CDK14: variants seen among roughly 807,000 people sequenced by gnomAD.
CDK14 encodes the protein cyclin-dependent kinase 14.
A neutral mutation model predicts 60.7 loss-of-function variants in CDK14; 34 were observed. That is an observed-to-expected ratio of 0.56 (90% CI 0.43 to 0.75). The LOEUF is 0.75. CDK14 is among the 30% of genes least tolerant of loss of function. The pLI, the probability that CDK14 is intolerant of heterozygous loss-of-function variation, is 0.00. For synonymous variants in CDK14, 197 were observed against 203.7 expected, an observed-to-expected ratio of 0.97 and a Z score of 0.28; for missense variants, 482 against 564.1, an observed-to-expected ratio of 0.85 and a Z score of 1.47.
At chr7:90,901,337 A>C (rs562502938) in intron 7 of CDK14, among the ~76,000 whole-genome samples, 9 of 152,268 alleles carry the variant, frequency 5.9e-5, no homozygotes, top group African/African-American at 2.2e-4. Context: ...TGACACTTAC[A>C]GTGAGCCTGG....
At chr7:91,158,747 G>T (rs1354237878) in intron 14 of CDK14, among the ~76,000 whole-genome samples, 1 of 152,204 alleles carries the variant, frequency 6.6e-6, no homozygotes, top group Non-Finnish European at 1.5e-5. Flanking sequence ...TACCCCGTCA[G>T]AGGTAAGGAA....
chr7:90,797,255 A>C (rs1031781924), intron 5 of CDK14, among the ~76,000 whole-genome samples: 1 of 151,740 alleles, frequency 6.6e-6, no homozygotes, highest in Non-Finnish European at 1.5e-5. Context: ...CAATGAGGAA[A>C]GATCTGTGCC....
chr7:90,880,996 A>G (rs955269011), intron 6 of CDK14, among the ~76,000 whole-genome samples: 3 of 152,196 alleles, frequency 2.0e-5, no homozygotes, highest in African/African-American at 7.2e-5. Flanking sequence ...GAATCAATGA[A>G]AAAATGCTAA....
At chr7:91,195,406 A>G (rs1227381829) in intron 14 of CDK14, among the ~76,000 whole-genome samples, 1 of 152,214 alleles carries the variant, frequency 6.6e-6, no homozygotes, top group East Asian at 1.9e-4. Flanking sequence ...TTTTACATGC[A>G]TAGACAAAAA....
At chr7:90,852,778 G>A (rs921828189) in intron 5 of CDK14, among the ~76,000 whole-genome samples, 2 of 152,150 alleles carry the variant, frequency 1.3e-5, no homozygotes, top group South Asian at 2.1e-4. Context: ...CAGGGCTGAG[G>A]TGAACTTAGG....
At chr7:90,732,155 T>G (rs1380897945) in intron 3 of CDK14, among the ~76,000 whole-genome samples, 1 of 152,172 alleles carries the variant, frequency 6.6e-6, no homozygotes, top group African/African-American at 2.4e-5. Flanking sequence ...TTGATTGGCT[T>G]ATGTTCAACC....
At chr7:90,812,592 A>C (rs988584762) in intron 5 of CDK14, among the ~76,000 whole-genome samples, 1 of 152,184 alleles carries the variant, frequency 6.6e-6, no homozygotes, top group African/African-American at 2.4e-5. Context: ...CATTGTGCAC[A>C]TGTACCCCAA....
At chr7:90,890,109 A>C (rs1445781844) in intron 6 of CDK14, among the ~76,000 whole-genome samples, 2 of 152,272 alleles carry the variant, frequency 1.3e-5, no homozygotes, top group Non-Finnish European at 2.9e-5. Flanking sequence ...ATGATGGCCC[A>C]AGCCTGTCAT....
chr7:91,136,190 G>A (rs1304444849), intron 14 of CDK14, among the ~76,000 whole-genome samples: 3 of 152,124 alleles, frequency 2.0e-5, no homozygotes, highest in African/African-American at 7.2e-5. Flanking sequence ...GGCAATGTGA[G>A]TTTCTGACTT....
intron 10 of CDK14, among the ~76,000 whole-genome samples, chr7:90,992,510 G>A (rs1795568758): frequency 6.6e-6 from 1 of 152,178 alleles, no homozygotes; most frequent in East Asian, 1.9e-4. Flanking sequence ...ATTCCTGTAA[G>A]GAAAGATAGA....
intron 2 of CDK14, among the ~76,000 whole-genome samples, chr7:90,661,187 A>T (rs900305341): frequency 1.3e-5 from 2 of 152,250 alleles, no homozygotes; most frequent in African/African-American, 4.8e-5. Context: ...TGAGAGTCTG[A>T]AATTTGCCTA....
intron 4 of CDK14, among the ~76,000 whole-genome samples, chr7:90,754,929 A>T (rs1803996149): frequency 6.6e-6 from 1 of 152,210 alleles, no homozygotes; most frequent in African/African-American, 2.4e-5. Context: ...ACCATCTCAA[A>T]TCAGTTAGAA....
chr7:90,695,464 CT>C (rs368492538), intron 2 of CDK14, among the ~76,000 whole-genome samples: 47 of 152,316 alleles, frequency 3.1e-4, no homozygotes, highest in African/African-American at 1.0e-3. Flanking sequence ...TGAGCGTCTA[CT>C]ATTTACCAGG....
intron 8 of CDK14, among the ~76,000 whole-genome samples, chr7:90,923,341 C>G (rs1463622639): frequency 2.0e-5 from 3 of 152,062 alleles, no homozygotes; most frequent in Admixed American, 6.6e-5. Flanking sequence ...GATCTCCTGA[C>G]CTCGTGATCT....
intron 5 of CDK14, among the ~76,000 whole-genome samples, chr7:90,858,939 C>T (rs1490211859): frequency 6.6e-6 from 1 of 152,140 alleles, no homozygotes; most frequent in Non-Finnish European, 1.5e-5. Flanking sequence ...GTGATTGTTT[C>T]TTCAAAGTTA....
intron 2 of CDK14, among the ~76,000 whole-genome samples, chr7:90,680,517 T>C (rs1231899096): frequency 6.6e-6 from 1 of 152,206 alleles, no homozygotes; most frequent in East Asian, 1.9e-4. Context: ...GATGAGACCC[T>C]CAGGTCAGAT....
At chr7:90,635,310 A>G (rs1396534946) in intron 2 of CDK14, among the ~76,000 whole-genome samples, 2 of 152,184 alleles carry the variant, frequency 1.3e-5, no homozygotes, top group Non-Finnish European at 2.9e-5. Context: ...TAATTTTTGT[A>G]TAAGGTGTAA....
At position 90,797,465 on chromosome 7, in the gene CDK14, A is replaced by G. The variant is rs189749963; in HGVS notation, c.544+6813A>G. ...TCCAAATACAGTCCTATTCTAAGGT[A>G]CTAAAGGTCAGGACTTCAACATGAA... On this transcript the variant is annotated intron_variant, in intron 5 of 14. Transcript: ENST00000380050. 8.3e-4 allele frequency among the ~76,000 whole-genome samples: 126 copies of G among 152,138 alleles called. 3 individuals carry two copies. Among genetic ancestry groups the G allele is most frequent in the African/African-American group, 2.9e-3 (120 of 41,394 alleles).
At chr7:91,035,620 T>C (rs938320113) in intron 10 of CDK14, among the ~76,000 whole-genome samples, 1 of 135,380 alleles carries the variant, frequency 7.4e-6, no homozygotes, top group Non-Finnish European at 1.5e-5. Context: ...CCGTTTATTT[T>C]TGTCCCTTGT....
Sources: gnomAD v4.1 joint callset for allele counts (sites outside exome capture counted in the v4.1 genomes callset) on GRCh38, gnomAD v4.1.1 for gene constraint, MANE v1.5 for transcripts, NCBI Gene and HGNC (gene_info 2026-07-23, HGNC 2026-07-21) for gene names.